Variants in SIPA1L2 observed in about 807,000 individuals in gnomAD.
SIPA1L2 encodes the protein signal-induced proliferation-associated 1-like protein 2.
A neutral mutation model predicts 163.9 loss-of-function variants in SIPA1L2; 56 were observed. That is an observed-to-expected ratio of 0.34 (90% CI 0.28 to 0.43). The LOEUF (loss-of-function observed/expected upper bound fraction) is 0.43, where lower values mean the gene tolerates loss of function less well. Ranked by LOEUF, SIPA1L2 falls within the 20% of genes least tolerant of loss-of-function variation. The pLI, the probability that SIPA1L2 is intolerant of heterozygous loss-of-function variation, is 1.00. For missense variants in SIPA1L2, 1,974 were observed against 2,193.5 expected (o/e 0.90, Z 2.00); for synonymous variants, 877 against 865.7 (o/e 1.01, Z -0.23).
At chr1:232,417,234 T>C (rs1315947676) in intron 18 of SIPA1L2, among the ~76,000 whole-genome samples, 3 of 152,158 alleles carry the variant, frequency 2.0e-5, no homozygotes, top group Admixed American at 6.5e-5. Flanking sequence ...TTTTTGAGAC[T>C]CTGGACAAAT....
chr1:232,451,487 G>C (rs532699518), intron 10 of SIPA1L2, among the ~76,000 whole-genome samples: 1 of 152,194 alleles, frequency 6.6e-6, no homozygotes, highest in South Asian at 2.1e-4. Flanking sequence ...ACTGAAACCC[G>C]AACAGACCAA....
chr1:232,502,465 T>G (rs1019799203), intron 3 of SIPA1L2, among the ~76,000 whole-genome samples: 1 of 152,192 alleles, frequency 6.6e-6, no homozygotes, highest in African/African-American at 2.4e-5. Context: ...TAAGAAGTGG[T>G]GTATATACTT....
intron 8 of SIPA1L2, among the ~76,000 whole-genome samples, chr1:232,467,455 G>T (rs1664583533): frequency 6.6e-6 from 1 of 152,098 alleles, no homozygotes; most frequent in Admixed American, 6.5e-5. Flanking sequence ...TTCTAGACTG[G>T]GAATTAATTT....
intron 3 of SIPA1L2, among the ~76,000 whole-genome samples, chr1:232,498,663 C>T (rs953532202): frequency 1.3e-5 from 2 of 152,188 alleles, no homozygotes; most frequent in South Asian, 2.1e-4. Flanking sequence ...TCCATCTTCA[C>T]AGCAAGCAGC....
At chr1:232,627,977 G>A (rs4649396) in intron 1 of SIPA1L2, among the ~76,000 whole-genome samples, 33,835 of 152,054 alleles carry the variant, frequency 0.22, 5,465 homozygotes, top group East Asian at 0.48. Flanking sequence ...AACAAATTCA[G>A]TATGTCTTAT....
chr1:232,519,489 C>T (rs974771079), intron 2 of SIPA1L2, among the ~76,000 whole-genome samples: 5 of 152,122 alleles, frequency 3.3e-5, no homozygotes, highest in Non-Finnish European at 4.4e-5. Flanking sequence ...GGTCAAAAGG[C>T]CACCTCAGCT....
At chr1:232,419,638 C>G (rs1572869106) in intron 18 of SIPA1L2, among the ~76,000 whole-genome samples, 2 of 152,320 alleles carry the variant, frequency 1.3e-5, no homozygotes, top group East Asian at 1.9e-4. Context: ...CTGCTCCCCC[C>G]TCTACCTTCC....
At chr1:232,484,094 T>C (rs1295317259) in intron 5 of SIPA1L2, 128 bp from the exon 6 acceptor site, 1 of 834,806 alleles carries the variant, frequency 1.2e-6, no homozygotes, top group Non-Finnish European at 1.8e-6. Context: ...CATAAGTGAA[T>C]AAGCAAAAGA....
At chr1:232,523,512 T>G (rs549896725) in intron 2 of SIPA1L2, among the ~76,000 whole-genome samples, 2 of 152,366 alleles carry the variant, frequency 1.3e-5, no homozygotes, top group African/African-American at 4.8e-5. Context: ...AAAGAATTTC[T>G]ACTTAATGTC....
intron 2 of SIPA1L2, among the ~76,000 whole-genome samples, chr1:232,522,318 T>A (rs1342961445): frequency 6.6e-6 from 1 of 152,176 alleles, no homozygotes; most frequent in Non-Finnish European, 1.5e-5. Flanking sequence ...TGCTCCCATG[T>A]GTTGACCTTC....
intron 8 of SIPA1L2, among the ~76,000 whole-genome samples, chr1:232,469,289 A>T (rs1664683745): frequency 6.6e-6 from 1 of 152,240 alleles, no homozygotes; most frequent in Admixed American, 6.5e-5. Context: ...AGAAAACTGT[A>T]GAGCTGGACT....
chr1:232,534,848 G>C (rs1033099257), intron 2 of SIPA1L2, among the ~76,000 whole-genome samples: 3 of 152,184 alleles, frequency 2.0e-5, no homozygotes, highest in Non-Finnish European at 4.4e-5. Context: ...CCCTGACACA[G>C]ATCCCAGTTC....
At chr1:232,412,309 T>C (rs1299715349) in intron 19 of SIPA1L2, among the ~76,000 whole-genome samples, 2 of 152,186 alleles carry the variant, frequency 1.3e-5, no homozygotes, top group African/African-American at 4.8e-5. Context: ...CTCAATCCAA[T>C]AGGCAGGTAA....
intron 1 of SIPA1L2, among the ~76,000 whole-genome samples, chr1:232,579,795 A>ATTAATATGAACAGAAG (rs1189588082): frequency 6.6e-6 from 1 of 152,320 alleles, no homozygotes; most frequent in East Asian, 1.9e-4. Flanking sequence ...AAGCAAATAT[A>ATTAATATGAACAGAAG]TTAATATGAA....
chr1:232,617,251 C>G (rs890268591), intron 1 of SIPA1L2, among the ~76,000 whole-genome samples: 2 of 152,180 alleles, frequency 1.3e-5, no homozygotes, highest in Non-Finnish European at 2.9e-5. Context: ...AGGCCCGCAG[C>G]AAGTGTCAGC....
chr1:232,611,515 C>T (rs1042019175), intron 1 of SIPA1L2, among the ~76,000 whole-genome samples: 1 of 152,120 alleles, frequency 6.6e-6, no homozygotes, highest in East Asian at 1.9e-4. Context: ...CTGAAGCGAT[C>T]TCAAAGGAAG....
At chr1:232,485,825 G>A (rs1372926396) in intron 5 of SIPA1L2, among the ~76,000 whole-genome samples, 1 of 152,158 alleles carries the variant, frequency 6.6e-6, no homozygotes, top group Non-Finnish European at 1.5e-5. Flanking sequence ...TGTAATTAGA[G>A]TCCACCGTTA....
chr1:232,528,141 T>G (rs935492537), intron 2 of SIPA1L2, among the ~76,000 whole-genome samples: 1 of 147,162 alleles, frequency 6.8e-6, no homozygotes. Flanking sequence ...CCAAAGAACT[T>G]GTCTGAATAT....
intron 18 of SIPA1L2, among the ~76,000 whole-genome samples, chr1:232,418,283 T>C (rs1291490808): frequency 6.6e-6 from 1 of 152,216 alleles, no homozygotes; most frequent in Non-Finnish European, 1.5e-5. Context: ...GCCAGTGCCC[T>C]GATTCACAAG....
Sources: gnomAD v4.1 joint callset for allele counts (sites outside exome capture counted in the v4.1 genomes callset) on GRCh38, gnomAD v4.1.1 for gene constraint, MANE v1.5 for transcripts, NCBI Gene and HGNC (gene_info 2026-07-23, HGNC 2026-07-21) for gene names.